Variants in PASD1 observed in about 807,000 individuals in gnomAD.
PASD1 encodes circadian clock protein PASD1.
PASD1 carries 13 observed loss-of-function variants against 58.8 expected under a neutral mutation model. That is an observed-to-expected ratio of 0.22 (90% CI 0.14 to 0.35). The LOEUF (loss-of-function observed/expected upper bound fraction) is 0.35, where lower values mean the gene tolerates loss of function less well. Ranked by LOEUF, PASD1 falls within the 10% of genes least tolerant of loss-of-function variation. The pLI is 1.00. For missense variants in PASD1, 734 were observed against 568.3 expected, an observed-to-expected ratio of 1.29 and a Z score of -2.96; for synonymous variants, 236 against 216.7, an observed-to-expected ratio of 1.09 and a Z score of -0.78.
intron 3 of PASD1, among the ~76,000 whole-genome samples, chrX:151,607,480 A>AG (rs1322108951): frequency 9.0e-6 from 1 of 111,363 alleles, no homozygotes; most frequent in Non-Finnish European, 1.9e-5. Flanking sequence ...AGCGAGGGTG[A>AG]GGGGGAAAGT....
intron 1 of PASD1, among the ~76,000 whole-genome samples, chrX:151,588,093 C>T (rs1013610095): frequency 2.7e-5 from 3 of 111,929 alleles, no homozygotes; most frequent in African/African-American, 3.3e-5. Flanking sequence ...ACTTCACTCA[C>T]ATTGATGAAA....
chrX:151,663,196 C>T (rs1315989694), intron 10 of PASD1, among the ~76,000 whole-genome samples: 1 of 111,834 alleles, frequency 8.9e-6, no homozygotes, highest in Non-Finnish European at 1.9e-5. Context: ...CTTTGTGCTC[C>T]CTCTTTGTAC....
intron 14 of PASD1, 121 bp from the exon 15 acceptor site, chrX:151,673,807 A>T: frequency 1.2e-6 from 1 of 841,657 alleles, no homozygotes. Flanking sequence ...CAAACAAGTG[A>T]ATCCTGTGGT....
chrX:151,668,695 C>T (rs1376318397), intron 11 of PASD1, among the ~76,000 whole-genome samples: 4 of 110,582 alleles, frequency 3.6e-5, no homozygotes, highest in African/African-American at 9.9e-5. Context: ...ATAACAGCCT[C>T]TGAAATTGAG....
chrX:151,674,292 G>T (rs950959542), intron 15 of PASD1, 106 bp downstream of exon 15: 6 of 1,022,281 alleles, frequency 5.9e-6, no homozygotes, highest in Non-Finnish European at 8.0e-6. Context: ...GTGAGAGCCA[G>T]ACTTCAAAGC....
chrX:151,569,566 C>A (rs2012897581), intron 1 of PASD1, among the ~76,000 whole-genome samples: 3 of 111,701 alleles, frequency 2.7e-5, no homozygotes, highest in Non-Finnish European at 5.6e-5. Flanking sequence ...TTTATACATT[C>A]CATAAGAAAC....
chrX:151,673,692 G>A (rs1277912798), intron 14 of PASD1: 1 of 437,402 alleles, frequency 2.3e-6, no homozygotes, highest in South Asian at 3.6e-5. Context: ...GACTGTCCAA[G>A]TAATATAAAT....
intron 8 of PASD1, among the ~76,000 whole-genome samples, chrX:151,629,357 A>T (rs964316398): frequency 5.4e-5 from 6 of 111,054 alleles, no homozygotes; most frequent in Non-Finnish European, 1.1e-4. Context: ...TGACCTCATG[A>T]TCCGCCCGCC....
chrX:151,652,010 TA>T (rs2014134121), intron 9 of PASD1, among the ~76,000 whole-genome samples: 1 of 112,418 alleles, frequency 8.9e-6, no homozygotes, highest in Non-Finnish European at 1.9e-5. Flanking sequence ...TTGAACATTT[TA>T]AATGTGTTTA....
intron 1 of PASD1, among the ~76,000 whole-genome samples, chrX:151,582,671 A>C (rs2013114938): frequency 8.9e-6 from 1 of 111,768 alleles, no homozygotes; most frequent in South Asian, 3.8e-4. Flanking sequence ...ATGCTGCTGC[A>C]CTTCAGCTTT....
intron 2 of PASD1, among the ~76,000 whole-genome samples, chrX:151,603,638 A>T: frequency 9.0e-6 from 1 of 110,894 alleles, no homozygotes; most frequent in Non-Finnish European, 1.9e-5. Flanking sequence ...AGTGGTCAGG[A>T]TCACTGATCC....
rs1342585399 is a variant in PASD1, at chrX:151,622,965, T to G, written c.447T>G (p.Phe149Leu). The G allele has an allele frequency of 1.5e-5, 18 of 1,207,041 alleles. No homozygotes were observed. The highest frequency in any genetic ancestry group is 2.0e-5 in the Non-Finnish European group (18 of 892,843). Residue 149 changes from phenylalanine (F) to leucine (L), a missense_variant, in exon 7 of 16, where the codon TTT becomes TTG. Phe to Leu is a conservative substitution (Grantham distance 22, BLOSUM62 0). Coordinates refer to ENST00000370357, the MANE Select transcript of PASD1 (RefSeq NM_173493.3). ...NEFPVVFSGL[F>L]SSHLCADFAA... ...TTCCTGTGGTCTTTAGTGGCTTGTT[T>G]TCCAGCCACCTCTGTGCTGACTTTG...
chrX:151,595,892 G>T (rs1426932378), intron 1 of PASD1, among the ~76,000 whole-genome samples: 1 of 111,309 alleles, frequency 9.0e-6, no homozygotes. Flanking sequence ...CTTTATTCTG[G>T]TTGAGATCCT....
chrX:151,643,595 TAAAAG>T (rs2014022778), intron 8 of PASD1, among the ~76,000 whole-genome samples: 1 of 111,183 alleles, frequency 9.0e-6, no homozygotes, highest in Non-Finnish European at 1.9e-5. Context: ...AAATAAAAAA[TAAAAG>T]TAAAAATAAA....
intron 10 of PASD1, among the ~76,000 whole-genome samples, chrX:151,660,689 G>A (rs2014298215): frequency 8.9e-6 from 1 of 112,491 alleles, no homozygotes; most frequent in Non-Finnish European, 1.9e-5. Flanking sequence ...TTAAGCCAAT[G>A]ATGGAGAAAT....
At chrX:151,596,797 T>C (rs1377358318) in intron 1 of PASD1, among the ~76,000 whole-genome samples, 1 of 111,923 alleles carries the variant, frequency 8.9e-6, no homozygotes, top group Non-Finnish European at 1.9e-5. Flanking sequence ...ATGTTCTACC[T>C]TTAGGAGGTT....
intron 1 of PASD1, among the ~76,000 whole-genome samples, chrX:151,571,559 AT>A (rs745321826): frequency 9.0e-6 from 1 of 111,671 alleles, no homozygotes; most frequent in African/African-American, 3.3e-5. Context: ...TTATAGAGTC[AT>A]GGATTCCCCA....
At position 151,585,015 on chromosome X, in the gene PASD1, C is replaced by G. The variant is rs778647148; in HGVS notation, c.-27-16512C>G. ...TGAACAAATACCCAATGCTTTGTGTCTGTGGTGCACAGTTCTAGATGTTTT... is the reference window on the plus strand; with the variant it reads ...TGAACAAATACCCAATGCTTTGTGTGTGTGGTGCACAGTTCTAGATGTTTT... On this transcript the variant is annotated intron_variant, in intron 1 of 15. Transcript: ENST00000370357. Among the ~76,000 whole-genome samples, 18 of 111,900 alleles carry G rather than the reference C, an allele frequency of 1.6e-4. No individual in the cohort carries two copies. In the South Asian group the frequency reaches 6.8e-3, roughly 42 times the overall value.
intron 1 of PASD1, among the ~76,000 whole-genome samples, chrX:151,582,963 T>C (rs1450717724): frequency 8.9e-6 from 1 of 112,271 alleles, no homozygotes; most frequent in East Asian, 2.8e-4. Flanking sequence ...AACATCAAAG[T>C]AATTTGTTGA....
Sources: gnomAD v4.1 joint callset for allele counts (sites outside exome capture counted in the v4.1 genomes callset) on GRCh38, gnomAD v4.1.1 for gene constraint, MANE v1.5 for transcripts, NCBI Gene and HGNC (gene_info 2026-07-23, HGNC 2026-07-21) for gene names.